ADCY10: variants seen among roughly 807,000 people sequenced by gnomAD.
The protein encoded by ADCY10 is adenylate cyclase type 10.
Under a neutral mutation model 183.3 loss-of-function variants are expected in ADCY10, and 156 were observed. The ratio of observed to expected loss-of-function variants is 0.85; its 90% confidence interval spans 0.75 to 0.97. The LOEUF is 0.97. Among genes scored for constraint, ADCY10 ranks in the 50% least tolerant of loss-of-function variants. The probability of loss-of-function intolerance (pLI) is 0.00; values close to 1 mark genes in which losing one functional copy is unlikely to be tolerated. For missense variants in ADCY10, 1,745 were observed against 1,934.3 expected (o/e 0.90, Z 1.84); for synonymous variants, 645 against 670.0 (o/e 0.96, Z 0.58).
In ADCY10 at chr1:167,818,220, C is replaced by A; in HGVS notation, c.4334G>T (p.Arg1445Ile). The A allele has an allele frequency of 6.2e-7, 1 of 1,614,166 alleles. No individual in the cohort carries two copies. The highest frequency in any genetic ancestry group is 1.3e-5 in the African/African-American group (1 of 75,050). The change falls in exon 31 of 33, where the codon AGA becomes ATA. Residue 1445 changes from arginine (R) to isoleucine (I), a missense_variant. By Grantham distance (97) the Arg-to-Ile change is moderately conservative. Coordinates refer to ENST00000367851, the MANE Select transcript of ADCY10 (RefSeq NM_018417.6). ...TCTTCTTGGCAAAAGATTTTTAGCT[C>A]TATTGGAAAATTTGTAAAAGTTGTC... The part of the protein sequence containing the change: ...EWDNFYKFSN[R>I]AKNLLPRRTM...
In ADCY10 at chr1:167,836,404, C is replaced by T; in HGVS notation, c.3214G>A (p.Ala1072Thr). Residue 1072 changes from alanine (A) to threonine (T), a missense_variant, in exon 23 of 33, where the codon GCC becomes ACC. Ala to Thr is a moderately conservative substitution (Grantham distance 58). Coordinates refer to ENST00000367851, the MANE Select transcript of ADCY10 (RefSeq NM_018417.6). ...EILEIVILPL[A>T]HHFLALGEND... is the part of the protein sequence containing the mutation. ...TCTCCCAAAGCCAGAAAATGGTGGG[C>T]CAGAGGCAAGATGACAATCTCTAGG... 1.2e-6 allele frequency: 2 copies of T among 1,614,004 alleles called. No homozygotes were observed. The highest frequency in any genetic ancestry group is 1.1e-5 in the South Asian group (1 of 91,080).
At chr1:167,891,048 G>A (rs144748368) in intron 8 of ADCY10, among the ~76,000 whole-genome samples, 11,652 of 152,024 alleles carry the variant, frequency 0.077, 550 homozygotes, top group South Asian at 0.13. Flanking sequence ...TGCAACCTCC[G>A]CCTCCTGGGT....
chr1:167,835,485 C>T (rs1282936301), intron 23 of ADCY10, among the ~76,000 whole-genome samples: 8 of 152,108 alleles, frequency 5.3e-5, no homozygotes, highest in Non-Finnish European at 1.0e-4. Context: ...TTATAATTAC[C>T]CTAGAGAAAC....
intron 1 of ADCY10, among the ~76,000 whole-genome samples, chr1:167,911,740 G>C (rs1321262194): frequency 6.6e-6 from 1 of 152,168 alleles, no homozygotes; most frequent in East Asian, 1.9e-4. Context: ...ATGTTCAAGT[G>C]CTATTTCTTT....
chr1:167,857,635 C>A (rs534425588), intron 16 of ADCY10, among the ~76,000 whole-genome samples: 2 of 152,308 alleles, frequency 1.3e-5, no homozygotes, highest in African/African-American at 2.4e-5. Context: ...AAAGCCAACA[C>A]TTACATTATA....
rs71100905 is a variant in ADCY10, at chr1:167,841,502, C to CTTT, written c.3007+4058_3007+4060dup. ...TTTATCGCTTATACTATATGCTTTCCTTTTTTTTTTTTTTTTTTTTTAAGA... is the reference window on the plus strand; with the variant it reads ...TTTATCGCTTATACTATATGCTTTCCTTTTTTTTTTTTTTTTTTTTTTTTAAGA... On this transcript the variant is annotated intron_variant, in intron 21 of 32. Transcript: ENST00000367851. 6.6e-5 allele frequency among the ~76,000 whole-genome samples: 6 copies of CTTT among 90,894 alleles called. 1 individual carries two copies. Among genetic ancestry groups the CTTT allele is most frequent in the Admixed American group, 3.9e-4 (3 of 7,648 alleles). The allele number at this position is 90,894 out of a possible 152,430, so 59.6% of individuals were successfully genotyped here.
intron 14 of ADCY10, among the ~76,000 whole-genome samples, chr1:167,861,683 A>G (rs1424075261): frequency 2.0e-5 from 3 of 152,072 alleles, no homozygotes; most frequent in African/African-American, 7.2e-5. Flanking sequence ...AACTTCCACA[A>G]TTCTCTATTG....
chr1:167,905,265 TC>T, intron 1 of ADCY10, 67 bp from the exon 2 acceptor site: 1 of 1,227,532 alleles, frequency 8.1e-7, no homozygotes, highest in Admixed American at 1.8e-5. Flanking sequence ...TTGCTCTTTC[TC>T]CATTTGTTTT....
chr1:167,902,784 C>T (rs1247918462), intron 3 of ADCY10, among the ~76,000 whole-genome samples: 2 of 152,192 alleles, frequency 1.3e-5, no homozygotes, highest in African/African-American at 4.8e-5. Context: ...ATTAACAATG[C>T]AAACAAGATG....
Position 167,824,752 on chromosome 1 carries a change from A to C in ADCY10, c.3854T>G (p.Leu1285Arg). 6.2e-7 allele frequency: 1 copy of C among 1,614,024 alleles called. No homozygotes were observed. Among genetic ancestry groups the C allele is most frequent in the South Asian group, 1.1e-5 (1 of 91,074 alleles). Residue 1285 changes from leucine to arginine, a missense_variant, in exon 27 of 33, where the codon CTC becomes CGC. Transcript: ENST00000367851. ...EVMAMEHIFN[L>R]PLKGEGIEIV... ...TTCAATGCCCTCGCCTTTCAGGGGG[A>C]GGTTGAAGATGTGCTCCATGGCCAT...
chr1:167,881,275 T>TA (rs746100098), intron 9 of ADCY10, among the ~76,000 whole-genome samples: 12 of 152,188 alleles, frequency 7.9e-5, no homozygotes, highest in Admixed American at 3.3e-4. Flanking sequence ...ATTAGTCACT[T>TA]AAAAAATGAC....
chr1:167,853,139 A>C (rs1201182496), intron 18 of ADCY10, among the ~76,000 whole-genome samples: 3 of 152,118 alleles, frequency 2.0e-5, no homozygotes, highest in Non-Finnish European at 2.9e-5. Context: ...CTTGTCTTTA[A>C]ATTTAGTCGC....
chr1:167,824,685 G>C lies in ADCY10; in HGVS notation c.3921C>G (p.Leu1307=), dbSNP rs755039746. The change falls in exon 27 of 33, where the codon CTC becomes CTG. Residue 1307 remains leucine (L), a synonymous_variant. Transcript: ENST00000367851. ...YVAETLVFNK[L]IMGHLDLAIE... ...TGGCCAAATCCAGGTGTCCCATTAT[G>C]AGCTTGTTGAAGACCAGTGTCTCAG... 1.9e-6 allele frequency: 3 copies of C among 1,614,046 alleles called. No individual in the cohort carries two copies. The highest frequency in any genetic ancestry group is 2.5e-6 in the Non-Finnish European group (3 of 1,180,040).
rs146324030 is a variant in ADCY10, at chr1:167,878,570, C to T, written c.1282G>A (p.Asp428Asn). Residue 428 changes from aspartate to asparagine, a missense_variant, in exon 12 of 33, where the codon GAC (aspartate) becomes AAC (asparagine). Transcript: ENST00000367851. Reference sequence around the variant, plus strand: ...TTGCTCCCATTGTAGGTGACAGAGTCGCAGGTCACAATTCCTGGGTAGTAC... The same window carrying T: ...TTGCTCCCATTGTAGGTGACAGAGTTGCAGGTCACAATTCCTGGGTAGTAC... Reference protein sequence around the residue: ...MMYYPGIVTCDSVTYNGSNLP... With the variant: ...MMYYPGIVTCNSVTYNGSNLP... The T allele has an allele frequency of 1.0e-4, 165 of 1,613,980 alleles. No individual in the cohort carries two copies. Among genetic ancestry groups the T allele is most frequent in the Non-Finnish European group, 1.3e-4 (154 of 1,180,018 alleles).
Position 167,834,857 on chromosome 1 carries a change from G to A in ADCY10, c.3310-780C>T, listed in dbSNP as rs560426680. On this transcript the variant is annotated intron_variant, in intron 23 of 32. Transcript: ENST00000367851. ...TCATTGTCTTCTTGTCAAGTGAAAC[G>A]GGGTATGCATAGGTTTTAGAAAGTT... is the stretch of plus-strand genomic sequence containing the variant. Among the ~76,000 whole-genome samples the A allele has an allele frequency of 1.4e-4, 21 of 152,200 alleles. 2 individuals are homozygous for A. The highest frequency in any genetic ancestry group is 9.8e-4 in the Admixed American group (15 of 15,278).
intron 30 of ADCY10, among the ~76,000 whole-genome samples, chr1:167,818,779 T>TCCACCCG (rs1295559114): frequency 6.6e-6 from 1 of 152,204 alleles, no homozygotes; most frequent in African/African-American, 2.4e-5. Flanking sequence ...CCTCAGGTGA[T>TCCACCCG]CCACCCGCCT....
In ADCY10 at chr1:167,875,344, C is replaced by G. The variant is rs203827; in HGVS notation, c.1407-158G>C. On this transcript the variant is annotated intron_variant, in intron 12 of 32. Transcript: ENST00000367851. ...TCGCAAACGCCAAAAGAAGGAGAAA[C>G]GAGAAGGTCTGACTTGGTAGTGGAG... 0.34 allele frequency among the ~76,000 whole-genome samples: 51,794 copies of G among 152,100 alleles called. 9,829 individuals are homozygous for G. Among genetic ancestry groups the G allele is most frequent in the African/African-American group, 0.51 (20,964 of 41,470 alleles).
intron 30 of ADCY10, chr1:167,820,281 A>C: frequency 3.6e-6 from 5 of 1,374,118 alleles, no homozygotes; most frequent in Non-Finnish European, 4.9e-6. Context: ...CTGGCGCCGC[A>C]GCGCCGGCCG....
intron 7 of ADCY10, among the ~76,000 whole-genome samples, chr1:167,895,697 A>G (rs1219192072): frequency 6.6e-6 from 1 of 152,226 alleles, no homozygotes; most frequent in East Asian, 1.9e-4. Context: ...TCTGGCTGTT[A>G]GGTCTGAGAC....
Sources: gnomAD v4.1 joint callset for allele counts (sites outside exome capture counted in the v4.1 genomes callset) on GRCh38, gnomAD v4.1.1 for gene constraint, MANE v1.5 for transcripts, NCBI Gene and HGNC (gene_info 2026-07-23, HGNC 2026-07-21) for gene names.